PDXDC1: variants seen among roughly 807,000 people sequenced by gnomAD.
PDXDC1 encodes the protein pyridoxal-dependent decarboxylase domain-containing protein 1.
PDXDC1 carries 42 observed loss-of-function variants against 100.1 expected under a neutral mutation model. That is an observed-to-expected ratio of 0.42 (90% CI 0.33 to 0.54). PDXDC1 has a LOEUF of 0.54. PDXDC1 is among the 20% of genes least tolerant of loss of function. The pLI is 0.10. For missense variants in PDXDC1, 636 were observed against 979.2 expected, an observed-to-expected ratio of 0.65 and a Z score of 4.68; for synonymous variants, 260 against 371.7, an observed-to-expected ratio of 0.70 and a Z score of 3.46.
chr16:15,104,256 C>A, intron 16 of PDXDC1: 2 of 1,335,898 alleles, frequency 1.5e-6, no homozygotes, highest in South Asian at 1.6e-5. Flanking sequence ...AACCTCAGGT[C>A]CCTCAGGCAA....
chr16:15,010,978 C>CT (rs1415863712), intron 8 of PDXDC1, among the ~76,000 whole-genome samples: 4 of 152,294 alleles, frequency 2.6e-5, no homozygotes, highest in Non-Finnish European at 4.4e-5. Flanking sequence ...GGTTGGAAGA[C>CT]TAAGTATTAA....
chr16:15,030,906 G>A (rs868017516), intron 16 of PDXDC1, among the ~76,000 whole-genome samples: 2 of 151,866 alleles, frequency 1.3e-5, no homozygotes, highest in South Asian at 2.1e-4. Flanking sequence ...ACCAGTGGCC[G>A]CCCACCCCCA....
chr16:15,032,986 GCTTA>G lies in PDXDC1; in HGVS notation c.1690+11_1690+14del. On this transcript the variant is annotated splice_region_variant and intron_variant, in intron 18 of 22. Coordinates refer to ENST00000396410, the MANE Select transcript of PDXDC1 (RefSeq NM_015027.4). ...GACCTAACCTTTAAAATAGGTAACT[GCTTA>G]CTTTGTAAGTCAGCTGTGGGGTTTG... 6.8e-7 allele frequency: 1 copy of G among 1,472,718 alleles called. No individual in the cohort carries two copies. Among genetic ancestry groups the G allele is most frequent in the South Asian group, 1.1e-5 (1 of 88,274 alleles). 91.2% of individuals were successfully genotyped at this position (1,472,718 alleles called of 1,614,324 possible). A position where few individuals can be genotyped will look rare whatever the true frequency, so the allele number is the denominator to read the frequency against.
intron 16 of PDXDC1, among the ~76,000 whole-genome samples, chr16:15,124,591 G>A (rs1203226254): frequency 3.4e-5 from 5 of 148,420 alleles, no homozygotes; most frequent in African/African-American, 1.2e-4. Context: ...TGGCCAATAT[G>A]GTGAAACCCT....
chr16:15,086,276 A>C (rs2045914088), intron 16 of PDXDC1: 1 of 1,558,092 alleles, frequency 6.4e-7, no homozygotes. Flanking sequence ...GGGGGAAGAA[A>C]GATAAAAGCA....
chr16:14,999,532 G>T lies in PDXDC1; in HGVS notation c.161+1127G>T, dbSNP rs1972708446. Among the ~76,000 whole-genome samples the T allele has an allele frequency of 5.3e-5, 8 of 152,350 alleles. No homozygotes were observed. The South Asian group carries it at 1.7e-3, about 32-fold the overall frequency. On this transcript the variant is annotated intron_variant, in intron 3 of 22. Transcript: ENST00000396410. ...GAGGCCACCCTGAACAACATGGCGA[G>T]ACCCTATCAAATAAAATAAAAGTGA...
At chr16:15,141,937 T>A (rs1308311067), downstream of PDXDC1, among the ~76,000 whole-genome samples, 1 of 152,046 alleles carries the variant, frequency 6.6e-6, no homozygotes, top group East Asian at 1.9e-4. Flanking sequence ...GAACCAATGC[T>A]TTAGGGAGAA....
intron 16 of PDXDC1, among the ~76,000 whole-genome samples, chr16:15,064,147 C>T (rs1299075936): frequency 6.6e-6 from 1 of 151,978 alleles, no homozygotes; most frequent in East Asian, 1.9e-4. Flanking sequence ...TCTAGAACAA[C>T]TCATCTAGAT....
intron 16 of PDXDC1, chr16:15,070,329 C>T: frequency 6.6e-7 from 1 of 1,504,124 alleles, no homozygotes; most frequent in Admixed American, 1.9e-5. Context: ...ACACAACTGC[C>T]TTTCATTACA....
intron 3 of PDXDC1, 98 bp from the exon 4 acceptor site, chr16:15,001,678 A>G: frequency 9.5e-7 from 1 of 1,050,826 alleles, no homozygotes; most frequent in Non-Finnish European, 1.3e-6. Flanking sequence ...AAGAAAAAAA[A>G]AACTTGAAGC....
At chr16:15,038,559 C>G, downstream of PDXDC1, 1 of 1,370,402 alleles carries the variant, frequency 7.3e-7, no homozygotes, top group South Asian at 1.2e-5. Flanking sequence ...ACTTACCCAG[C>G]CTGTAAACTC....
intron 16 of PDXDC1, among the ~76,000 whole-genome samples, chr16:15,055,398 G>C (rs990032802): frequency 6.6e-6 from 1 of 152,204 alleles, no homozygotes; most frequent in Non-Finnish European, 1.5e-5. Context: ...GGAGAGAGAG[G>C]AGGAAGGACT....
intron 13 of PDXDC1, among the ~76,000 whole-genome samples, chr16:15,023,980 C>A (rs1335728133): frequency 6.6e-6 from 1 of 152,288 alleles, no homozygotes; most frequent in African/African-American, 2.4e-5. Context: ...TGTTAAGAAT[C>A]CAGGCGGTGC....
In PDXDC1 at chr16:15,037,969, G is replaced by A. The variant is rs565842562; in HGVS notation, c.*1694G>A. ...AGATGTAGGATCCAGATCTGGATTC[G>A]TGCCAGCCCCACCAATGGTCTGTCA... On this transcript the variant is annotated 3_prime_UTR_variant, in exon 23 of 23. Transcript: ENST00000396410. The A allele has an allele frequency of 2.3e-5, 29 of 1,271,514 alleles. No homozygotes were observed. The highest frequency in any genetic ancestry group is 1.5e-4 in the African/African-American group (10 of 67,764). The allele number at this position is 1,271,514 out of a possible 1,614,324, so 78.8% of individuals were successfully genotyped here. A position where few individuals can be genotyped will look rare whatever the true frequency, so the allele number is the denominator to read the frequency against.
At chr16:15,085,795 A>T in intron 16 of PDXDC1, 1 of 1,506,244 alleles carries the variant, frequency 6.6e-7, no homozygotes, top group Non-Finnish European at 9.0e-7. Context: ...GAACAGCTAT[A>T]AAAAAAGTTA....
chr16:15,139,790 G>C (rs2048435604), downstream of PDXDC1, among the ~76,000 whole-genome samples: 1 of 151,946 alleles, frequency 6.6e-6, no homozygotes, highest in Admixed American at 6.6e-5. Flanking sequence ...CGAAAGAAAA[G>C]AAAGAGAAAG....
At chr16:15,038,354 A>AGTTG, downstream of PDXDC1, 4 of 645,026 alleles carry the variant, frequency 6.2e-6, no homozygotes, top group South Asian at 8.8e-5. Context: ...TTAGTAAGAA[A>AGTTG]AAAGTTGATT....
chr16:15,061,485 A>T (rs2151752444), intron 16 of PDXDC1: 2 of 393,912 alleles, frequency 5.1e-6, no homozygotes, highest in African/African-American at 4.1e-5. Context: ...TAAACAAGCA[A>T]ATCCTTCCAA....
chr16:15,002,168 T>C (rs140588652), intron 4 of PDXDC1, among the ~76,000 whole-genome samples: 462 of 152,242 alleles, frequency 3.0e-3, no homozygotes, highest in Non-Finnish European at 4.5e-3. Flanking sequence ...GCTGTAGTTG[T>C]ATTCATTAGG....
Sources: gnomAD v4.1 joint callset for allele counts (sites outside exome capture counted in the v4.1 genomes callset) on GRCh38, gnomAD v4.1.1 for gene constraint, MANE v1.5 for transcripts, NCBI Gene and HGNC (gene_info 2026-07-23, HGNC 2026-07-21) for gene names.